The following GRHL2 variants were observed in gnomAD, a reference collection of about 807,000 sequenced individuals.
GRHL2 encodes the protein grainyhead-like protein 2 homolog.
A neutral mutation model predicts 83.8 loss-of-function variants in GRHL2; 21 were observed. The ratio of observed to expected loss-of-function variants is 0.25; its 90% CI spans 0.18 to 0.36. The LOEUF (loss-of-function observed/expected upper bound fraction) is 0.36, where lower values mean the gene tolerates loss of function less well. GRHL2 is among the 10% of genes least tolerant of loss of function. The pLI is 1.00. For missense variants in GRHL2, 623 were observed against 781.8 expected (o/e 0.80, Z 2.42); for synonymous variants, 280 against 278.9 (o/e 1.00, Z -0.04).
downstream of GRHL2, among the ~76,000 whole-genome samples, chr8:101,673,659 G>T (rs1197520701): frequency 6.6e-6 from 1 of 151,922 alleles, no homozygotes; most frequent in Non-Finnish European, 1.5e-5. Context: ...AAGACAGAAA[G>T]TTAACAAGGA....
the GRHL2 span, among the ~76,000 whole-genome samples, chr8:101,677,127 G>A: frequency 6.6e-6 from 1 of 151,900 alleles, no homozygotes; most frequent in African/African-American, 2.4e-5. Flanking sequence ...AGGAGTTAAT[G>A]GGTGCAGCAC....
At chr8:101,677,302 G>T in the GRHL2 span, among the ~76,000 whole-genome samples, 1 of 151,936 alleles carries the variant, frequency 6.6e-6, no homozygotes, top group Admixed American at 6.6e-5. Flanking sequence ...GACCACTGAG[G>T]AAAGAACTTG....
At chr8:101,562,537 G>A (rs556033244) in intron 4 of GRHL2, 77 of 244,562 alleles carry the variant, frequency 3.1e-4, no homozygotes, top group African/African-American at 1.8e-3. Flanking sequence ...CTTGAGAGGT[G>A]ATGTAATTTT....
chr8:101,558,504 C>G lies in GRHL2; in HGVS notation c.370C>G (p.Leu124Val), dbSNP rs1409594179. ...VQVLKTVPVN[L>V]SLNQDHLENS... ...AGTCCTAAAGACTGTTCCAGTGAAC[C>G]TTTCCCTAAATCAAGATCACCTGGA... The change falls in exon 4 of 16, where the codon CTT (leucine) becomes GTT (valine). Residue 124 changes from leucine to valine, a missense_variant. Leu to Val is a conservative substitution (Grantham distance 32). Transcript: ENST00000646743. The G allele has an allele frequency of 6.2e-7, 1 of 1,614,144 alleles. No individual in the cohort carries two copies.
chr8:101,609,530 C>A (rs1034570926), intron 8 of GRHL2, among the ~76,000 whole-genome samples: 6 of 151,076 alleles, frequency 4.0e-5, no homozygotes, highest in South Asian at 2.1e-4. Context: ...AATTTATACA[C>A]GCACATGTGA....
intron 14 of GRHL2, among the ~76,000 whole-genome samples, chr8:101,652,561 G>GTGTGTGTGTGTGA (rs1813688354): frequency 9.0e-5 from 6 of 66,868 alleles, no homozygotes; most frequent in African/African-American, 4.7e-4. Context: ...TGTATGTGTG[G>GTGTGTGTGTGTGA]TGGTGTGTGT....
At chr8:101,660,508 G>A (rs1265686062) in intron 14 of GRHL2, among the ~76,000 whole-genome samples, 1 of 151,922 alleles carries the variant, frequency 6.6e-6, no homozygotes, top group Admixed American at 6.6e-5. Flanking sequence ...TACTCACTGA[G>A]ACACTCTGGC....
chr8:101,528,415 C>T (rs1027472374), intron 1 of GRHL2, among the ~76,000 whole-genome samples: 8 of 151,726 alleles, frequency 5.3e-5, no homozygotes, highest in Middle Eastern at 3.4e-3. Flanking sequence ...TTTTTACCCC[C>T]GTCTCTTTTC....
chr8:101,616,007 T>TTTTTCTTTCTTTCTTTCTATC (rs759220101), intron 8 of GRHL2, among the ~76,000 whole-genome samples: 61 of 151,924 alleles, frequency 4.0e-4, no homozygotes, highest in African/African-American at 1.1e-3. Flanking sequence ...GACATAGCAT[T>TTTTTCTTTCTTTCTTTCTATC]TTTTCTTTCT....
At chr8:101,580,436 C>T (rs1414923224) in intron 7 of GRHL2, among the ~76,000 whole-genome samples, 3 of 152,148 alleles carry the variant, frequency 2.0e-5, no homozygotes, top group East Asian at 3.8e-4. Flanking sequence ...ACCCATTAAC[C>T]AACCTCTCTT....
chr8:101,584,987 TCAGGTAGCCAGGTGATCAGGTAGC>T (rs1477842002), intron 7 of GRHL2, among the ~76,000 whole-genome samples: 1 of 151,544 alleles, frequency 6.6e-6, no homozygotes, highest in Non-Finnish European at 1.5e-5. Context: ...GGTCAGGTAG[TCAGGTAGCCAGGTGATCAGGTAGC>T]CAGGTGGTCA....
chr8:101,674,103 C>A (rs1412167538), downstream of GRHL2, among the ~76,000 whole-genome samples: 1 of 151,926 alleles, frequency 6.6e-6, no homozygotes, highest in Admixed American at 6.6e-5. Context: ...CAAGAGAAAG[C>A]AGGAAAGATC....
Position 101,667,028 on chromosome 8 carries a change from C to T in GRHL2, c.*325C>T, listed in dbSNP as rs371625602. ...GGTCACTGCTAGCTCCAGATGAGAC[C>T]GTCCAGCGTTCCCCCTTCAAGAGAA... is the stretch of plus-strand genomic sequence containing the variant. On this transcript the variant is annotated 3_prime_UTR_variant, in exon 16 of 16. Coordinates refer to ENST00000646743, the MANE Select transcript of GRHL2 (RefSeq NM_024915.4). 5.2e-5 allele frequency: 23 copies of T among 439,964 alleles called. No individual in the cohort carries two copies. Among genetic ancestry groups the T allele is most frequent in the Admixed American group, 1.4e-4 (4 of 29,386 alleles). 27.3% of individuals were successfully genotyped at this position (439,964 alleles called of 1,614,324 possible).
chr8:101,506,446 G>A (rs1810341426), intron 1 of GRHL2, among the ~76,000 whole-genome samples: 1 of 152,028 alleles, frequency 6.6e-6, no homozygotes. Context: ...TGCAAATTAT[G>A]ATTCTCTTTT....
chr8:101,492,698 A>G lies in GRHL2; in HGVS notation c.-72A>G. 2.9e-6 allele frequency: 4 copies of G among 1,377,394 alleles called. No individual in the cohort carries two copies. Among genetic ancestry groups the G allele is most frequent in the Non-Finnish European group, 3.1e-6 (3 of 963,566 alleles). 85.3% of individuals were successfully genotyped at this position (1,377,394 alleles called of 1,614,324 possible). ...GGCGCTCTCACACACCTTCACCTGC[A>G]CAGACTTGAAAGTCCAGTTTCACCA... On this transcript the variant is annotated 5_prime_UTR_variant, in exon 1 of 16. Transcript: ENST00000646743.
intron 7 of GRHL2, among the ~76,000 whole-genome samples, chr8:101,595,123 T>C (rs1812365456): frequency 6.6e-6 from 1 of 152,208 alleles, no homozygotes; most frequent in Non-Finnish European, 1.5e-5. Context: ...TCTTGCTCTT[T>C]CTCAAGCATG....
chr8:101,594,089 AAAAAAAAAAGAG>A (rs1434719659), intron 7 of GRHL2, among the ~76,000 whole-genome samples: 4 of 140,286 alleles, frequency 2.9e-5, no homozygotes, highest in African/African-American at 8.4e-5. Flanking sequence ...AAAAAAAAAA[AAAAAAAAAAGAG>A]AGAGATAGTG....
At chr8:101,546,661 C>T (rs997280732) in intron 2 of GRHL2, among the ~76,000 whole-genome samples, 3 of 152,138 alleles carry the variant, frequency 2.0e-5, no homozygotes, top group Non-Finnish European at 2.9e-5. Flanking sequence ...AGTGATCCAC[C>T]GGCCTTGACC....
chr8:101,512,282 C>T (rs745968974), intron 1 of GRHL2, among the ~76,000 whole-genome samples: 52 of 151,992 alleles, frequency 3.4e-4, no homozygotes, highest in Non-Finnish European at 5.9e-4. Context: ...ATCTTATTCA[C>T]ATCATGCATT....
Sources: gnomAD v4.1 joint callset for allele counts (sites outside exome capture counted in the v4.1 genomes callset) on GRCh38, gnomAD v4.1.1 for gene constraint, MANE v1.5 for transcripts, NCBI Gene and HGNC (gene_info 2026-07-23, HGNC 2026-07-21) for gene names.